UBE2W: variants seen among roughly 807,000 people sequenced by gnomAD.
UBE2W encodes the protein ubiquitin-conjugating enzyme E2 W.
Under a neutral mutation model 27.2 loss-of-function variants are expected in UBE2W, and 18 were observed. That is an observed-to-expected ratio of 0.66 (90% confidence interval 0.46 to 0.98). The LOEUF (loss-of-function observed/expected upper bound fraction) is 0.98, where lower values mean the gene tolerates loss of function less well. Among genes scored for constraint, UBE2W ranks in the 50% least tolerant of loss-of-function variants. UBE2W has a pLI of 0.00. For missense variants in UBE2W, 90 were observed against 180.2 expected (o/e 0.50, Z 2.87); for synonymous variants, 53 against 57.2 (o/e 0.93, Z 0.33).
chr8:73,794,420 GA>G (rs1342801762), intron 5 of UBE2W, among the ~76,000 whole-genome samples: 2 of 152,152 alleles, frequency 1.3e-5, no homozygotes, highest in Non-Finnish European at 2.9e-5. Flanking sequence ...AATCTTAAGA[GA>G]ATTATTTTAT....
intron 1 of UBE2W, among the ~76,000 whole-genome samples, chr8:73,868,089 T>G (rs1390209501): frequency 6.6e-6 from 1 of 152,208 alleles, no homozygotes; most frequent in African/African-American, 2.4e-5. Flanking sequence ...GTTAATACCA[T>G]GACTGGTGGC....
chr8:73,795,837 T>G (rs549639152), intron 5 of UBE2W: 4 of 956,206 alleles, frequency 4.2e-6, no homozygotes, highest in Admixed American at 6.2e-5. Flanking sequence ...ATTCCAGCAT[T>G]TGGGGAGGCT....
intron 5 of UBE2W, among the ~76,000 whole-genome samples, chr8:73,794,516 TTG>T (rs1392194767): frequency 2.0e-5 from 3 of 152,322 alleles, no homozygotes; most frequent in Non-Finnish European, 4.4e-5. Flanking sequence ...AATACACAAT[TTG>T]TCTTTAGACT....
At chr8:73,869,991 C>A (rs184311046) in intron 1 of UBE2W, among the ~76,000 whole-genome samples, 180 of 152,228 alleles carry the variant, frequency 1.2e-3, no homozygotes, top group Non-Finnish European at 2.1e-3. Flanking sequence ...GGTTTCCAGA[C>A]ACTGGGGAAA....
chr8:73,825,116 C>CA (rs752054464), intron 3 of UBE2W, 31 bp downstream of exon 3: 34,183 of 1,025,946 alleles, frequency 0.033, no homozygotes, highest in South Asian at 0.039. Context: ...TCTAAAAATA[C>CA]AAAAAAAAAA....
chr8:73,790,659 ACCT>A lies in UBE2W; in HGVS notation c.*3440_*3442del. 2.0e-6 allele frequency: 2 copies of A among 983,404 alleles called. No individual in the cohort carries two copies. Among genetic ancestry groups the A allele is most frequent in the Non-Finnish European group, 1.2e-6 (1 of 828,084 alleles). 60.9% of individuals were successfully genotyped at this position (983,404 alleles called of 1,614,324 possible). A position where few individuals can be genotyped will look rare whatever the true frequency, so the allele number is the denominator to read the frequency against. ...TAAAAAAATTTTTGTAACACACAGT[ACCT>A]CCTCTTCTCTTCTATTTTTAGGAAG... On this transcript the variant is annotated 3_prime_UTR_variant, in exon 6 of 6. Transcript: ENST00000602593.
chr8:73,857,207 T>C (rs1007732644), intron 1 of UBE2W, among the ~76,000 whole-genome samples: 10 of 152,018 alleles, frequency 6.6e-5, no homozygotes, highest in African/African-American at 9.7e-5. Context: ...ACATACTAGG[T>C]GGAAACTTGT....
intron 1 of UBE2W, among the ~76,000 whole-genome samples, chr8:73,865,087 AC>A (rs1016141372): frequency 9.9e-5 from 15 of 151,386 alleles, no homozygotes; most frequent in Non-Finnish European, 2.2e-4. Context: ...ATAATGTGGC[AC>A]AAAATAGACC....
At chr8:73,835,524 C>T (rs1810272409) in intron 1 of UBE2W, among the ~76,000 whole-genome samples, 3 of 152,134 alleles carry the variant, frequency 2.0e-5, no homozygotes, top group Admixed American at 2.0e-4. Context: ...GGGTGAATCA[C>T]CTGAGGTCAG....
downstream of UBE2W, among the ~76,000 whole-genome samples, chr8:73,782,413 C>T (rs577800830): frequency 3.3e-5 from 5 of 152,216 alleles, no homozygotes; most frequent in Non-Finnish European, 5.9e-5. Context: ...CTCCCCTTCC[C>T]GCCATCCCAT....
intron 1 of UBE2W, among the ~76,000 whole-genome samples, chr8:73,875,528 T>C (rs903158592): frequency 2.6e-5 from 3 of 116,934 alleles, no homozygotes. Flanking sequence ...GTTACATTTG[T>C]ATAATATGGC....
rs563251516 is a variant in UBE2W, at chr8:73,792,186, T to C, written c.*1916A>G. On this transcript the variant is annotated 3_prime_UTR_variant, in exon 6 of 6. Transcript: ENST00000602593. The stretch of plus-strand genomic sequence containing the variant: ...AAAACTATGAGTAATTCAAAGACTT[T>C]CTGTCTTGGTTAAACAGGCCAACTA... 2,233 of 985,612 alleles carry C rather than the reference T, an allele frequency of 2.3e-3. No individual in the cohort carries two copies. The highest frequency in any genetic ancestry group is 2.5e-3 in the Non-Finnish European group (2,074 of 829,816). 61.1% of individuals were successfully genotyped at this position (985,612 alleles called of 1,614,324 possible).
chr8:73,850,725 T>TAAAAAAAAAA (rs11318665), intron 1 of UBE2W, among the ~76,000 whole-genome samples: 1 of 63,590 alleles, frequency 1.6e-5, no homozygotes, highest in Non-Finnish European at 2.9e-5. Flanking sequence ...AGCAGGACAT[T>TAAAAAAAAAA]AAAAAAAAAA....
intron 3 of UBE2W, among the ~76,000 whole-genome samples, chr8:73,823,012 C>A (rs997667947): frequency 2.0e-5 from 3 of 151,962 alleles, no homozygotes; most frequent in African/African-American, 7.3e-5. Flanking sequence ...TGGAGGTACT[C>A]AAGTATTTCA....
chr8:73,813,219 A>G (rs928226112), intron 3 of UBE2W, among the ~76,000 whole-genome samples: 3 of 152,108 alleles, frequency 2.0e-5, no homozygotes, highest in South Asian at 2.1e-4. Context: ...TCAGAGCACA[A>G]GGAGAACAGT....
intron 1 of UBE2W, among the ~76,000 whole-genome samples, chr8:73,845,280 T>G (rs1810745167): frequency 6.6e-6 from 1 of 151,944 alleles, no homozygotes; most frequent in African/African-American, 2.4e-5. Flanking sequence ...AAGGAGGAAA[T>G]GTGGAGAAAA....
intron 1 of UBE2W, among the ~76,000 whole-genome samples, chr8:73,860,563 A>G (rs145675720): frequency 6.6e-6 from 1 of 152,202 alleles, no homozygotes; most frequent in Non-Finnish European, 1.5e-5. Context: ...GAAAAACCCT[A>G]CGAAAGAGGT....
Position 73,792,201 on chromosome 8 carries a change from C to T in UBE2W, c.*1901G>A. The T allele has an allele frequency of 1.0e-6, 1 of 985,624 alleles. No individual in the cohort carries two copies. The highest frequency in any genetic ancestry group is 4.7e-5 in the South Asian group (1 of 21,292). The allele number at this position is 985,624 out of a possible 1,614,324, so 61.1% of individuals were successfully genotyped here. A position where few individuals can be genotyped will look rare whatever the true frequency, so the allele number is the denominator to read the frequency against. On this transcript the variant is annotated 3_prime_UTR_variant, in exon 6 of 6. Transcript: ENST00000602593. ...TCAAAGACTTTCTGTCTTGGTTAAA[C>T]AGGCCAACTAATAAAACTGACAGAG...
intron 1 of UBE2W, among the ~76,000 whole-genome samples, chr8:73,873,733 A>T (rs1475926343): frequency 6.6e-6 from 1 of 152,228 alleles, no homozygotes; most frequent in Non-Finnish European, 1.5e-5. Context: ...GCACACATTC[A>T]TACTTTATCT....
Sources: allele counts gnomAD v4.1 joint callset (sites outside exome capture counted in the v4.1 genomes callset), GRCh38; gene constraint gnomAD v4.1.1; transcripts MANE v1.5; gene names NCBI Gene and HGNC (gene_info 2026-07-23, HGNC 2026-07-21).